The following MYO5B variants were observed in gnomAD, a reference collection of about 807,000 sequenced individuals.
MYO5B encodes the protein unconventional myosin-Vb.
In MYO5B, 143 loss-of-function variants were observed where a neutral mutation model predicts 229.3. The ratio of observed to expected loss-of-function variants is 0.62; its 90% confidence interval spans 0.54 to 0.72. The LOEUF is 0.72. MYO5B is among the 30% of genes least tolerant of loss of function. The pLI, the probability that MYO5B is intolerant of heterozygous loss-of-function variation, is 0.00. For missense variants in MYO5B, 2,321 were observed against 2,331.0 expected, an observed-to-expected ratio of 1.00 and a Z score of 0.09; for synonymous variants, 918 against 885.2, an observed-to-expected ratio of 1.04 and a Z score of -0.66.
At chr18:50,027,804 A>C (rs1170400829) in intron 4 of MYO5B, among the ~76,000 whole-genome samples, 3 of 152,202 alleles carry the variant, frequency 2.0e-5, no homozygotes, top group Admixed American at 6.5e-5. Flanking sequence ...GGGAGACCTG[A>C]TCTATTAGAT....
chr18:50,038,349 G>C (rs932826912), intron 3 of MYO5B, among the ~76,000 whole-genome samples: 1 of 152,136 alleles, frequency 6.6e-6, no homozygotes, highest in Non-Finnish European at 1.5e-5. Flanking sequence ...CTGGGAACGC[G>C]AAGTGTAATA....
chr18:50,056,550 C>T (rs1158137901), intron 1 of MYO5B, among the ~76,000 whole-genome samples: 12 of 152,170 alleles, frequency 7.9e-5, no homozygotes, highest in Admixed American at 7.9e-4. Context: ...AGAATATTAT[C>T]AGGAAACCTG....
At chr18:50,069,666 G>A (rs2666935) in intron 1 of MYO5B, among the ~76,000 whole-genome samples, 148,773 of 152,208 alleles carry the variant, frequency 0.98, 72,804 homozygotes, top group East Asian at 1. Flanking sequence ...GAATTCCATG[G>A]GACAGGAAGC....
chr18:49,895,276 C>T (rs1370976945), intron 21 of MYO5B, 102 bp from the exon 22 acceptor site: 1 of 948,606 alleles, frequency 1.1e-6, no homozygotes, highest in African/African-American at 1.6e-5. Context: ...AAAGGAACTT[C>T]CAAGGTAGGA....
intron 16 of MYO5B, among the ~76,000 whole-genome samples, chr18:49,930,361 C>A (rs558771422): frequency 2.0e-5 from 3 of 152,234 alleles, no homozygotes; most frequent in Admixed American, 6.5e-5. Flanking sequence ...GATATGTGCA[C>A]CATTTTCAAC....
rs540792041 is a variant in MYO5B at position 49,899,984 on chromosome 18, G to T, written c.2811+2610C>A. On this transcript the variant is annotated intron_variant, in intron 21 of 39. Coordinates refer to ENST00000285039, the MANE Select transcript of MYO5B (RefSeq NM_001080467.3). ...TTTTCTTTGATTTTTCAAGCACGTG[G>T]ATTGTAAAATGCTAGATTTATTTTT... 4.5e-4 allele frequency among the ~76,000 whole-genome samples: 68 copies of T among 152,182 alleles called. No homozygotes were observed. The South Asian group carries it at 0.013, about 29-fold the overall frequency.
chr18:50,055,161 T>C (rs967363270), intron 2 of MYO5B, 107 bp downstream of exon 2: 2 of 785,424 alleles, frequency 2.5e-6, no homozygotes, highest in African/African-American at 1.7e-5. Context: ...AGCTCCAATG[T>C]CCAGGGAAAA....
In MYO5B at chr18:50,148,938, C is replaced by T. The variant is rs1204221507; in HGVS notation, c.27+45829G>A. On this transcript the variant is annotated intron_variant, in intron 1 of 39. Transcript: ENST00000285039. ...ATGATTGTATATCTAGAAAACCCCA[C>T]TGTCTCAGCCCAAAATCTCCTTAAG... 6.0e-3 allele frequency among the ~76,000 whole-genome samples: 910 copies of T among 152,190 alleles called. 4 individuals carry two copies. Among genetic ancestry groups the T allele is most frequent in the African/African-American group, 0.018 (740 of 41,494 alleles).
intron 1 of MYO5B, among the ~76,000 whole-genome samples, chr18:50,173,969 G>C (rs2032956918): frequency 6.6e-6 from 1 of 152,156 alleles, no homozygotes. Flanking sequence ...TTCTGGAAGA[G>C]ATTGGCATTG....
intron 1 of MYO5B, among the ~76,000 whole-genome samples, chr18:50,118,969 C>T (rs2032013949): frequency 7.2e-6 from 1 of 139,242 alleles, no homozygotes; most frequent in African/African-American, 2.6e-5. Flanking sequence ...AACTATCAAC[C>T]TTCCTGGGAA....
intron 17 of MYO5B, among the ~76,000 whole-genome samples, chr18:49,915,737 C>A (rs1000705607): frequency 2.6e-5 from 4 of 152,222 alleles, no homozygotes; most frequent in African/African-American, 7.2e-5. Flanking sequence ...CACTCCTAAG[C>A]CCTGACCCAT....
At chr18:49,942,691 C>T (rs1342199318) in intron 14 of MYO5B, among the ~76,000 whole-genome samples, 3 of 151,094 alleles carry the variant, frequency 2.0e-5, no homozygotes, top group African/African-American at 4.9e-5. Flanking sequence ...GTTAGAATGG[C>T]GATCATTAAA....
intron 2 of MYO5B, among the ~76,000 whole-genome samples, chr18:50,041,592 C>T (rs1267886229): frequency 6.6e-6 from 1 of 151,560 alleles, no homozygotes; most frequent in Non-Finnish European, 1.5e-5. Flanking sequence ...ATTAGCTAGC[C>T]ATTTAGGGAA....
At chr18:50,034,993 A>C (rs1249486744) in intron 4 of MYO5B, among the ~76,000 whole-genome samples, 1 of 152,156 alleles carries the variant, frequency 6.6e-6, no homozygotes, top group Non-Finnish European at 1.5e-5. Context: ...ACCCTAGGGC[A>C]AGACAGTATC....
intron 1 of MYO5B, among the ~76,000 whole-genome samples, chr18:50,122,960 A>T (rs2032094699): frequency 6.6e-6 from 1 of 152,210 alleles, no homozygotes; most frequent in African/African-American, 2.4e-5. Flanking sequence ...TAGCAATTCC[A>T]CTGCATGCTA....
chr18:49,953,892 A>ATG lies in MYO5B; in HGVS notation c.1668+420_1668+421insCA, dbSNP rs745554559. Among the ~76,000 whole-genome samples, 804 of 127,646 alleles carry ATG rather than the reference A, an allele frequency of 6.3e-3. 24 individuals carry two copies. Among genetic ancestry groups the ATG allele is most frequent in the African/African-American group, 0.025 (749 of 29,942 alleles). The allele number at this position is 127,646 out of a possible 152,430, so 83.7% of individuals were successfully genotyped here. A position where few individuals can be genotyped will look rare whatever the true frequency, so the allele number is the denominator to read the frequency against. On this transcript the variant is annotated intron_variant, in intron 13 of 39. Coordinates refer to ENST00000285039, the MANE Select transcript of MYO5B (RefSeq NM_001080467.3). ...ACTGCTTTAGAATTTATATATACAT[A>ATG]TATGTGTGTGTGTGTGTGTGTGTGT... is the stretch of plus-strand genomic sequence containing the variant.
At chr18:49,917,291 C>T (rs1200565680) in intron 17 of MYO5B, among the ~76,000 whole-genome samples, 1 of 152,212 alleles carries the variant, frequency 6.6e-6, no homozygotes, top group Non-Finnish European at 1.5e-5. Context: ...TGGGTATTCT[C>T]CTGACCATTC....
chr18:49,917,551 C>T (rs2025030942), intron 17 of MYO5B, among the ~76,000 whole-genome samples: 1 of 152,198 alleles, frequency 6.6e-6, no homozygotes, highest in African/African-American at 2.4e-5. Flanking sequence ...CAGCACGACC[C>T]CCATCCTCAT....
At chr18:49,943,296 A>G (rs1406235477) in intron 14 of MYO5B, among the ~76,000 whole-genome samples, 1 of 151,952 alleles carries the variant, frequency 6.6e-6, no homozygotes, top group Non-Finnish European at 1.5e-5. Flanking sequence ...CAGCACACCA[A>G]CATGACACAT....
Sources: allele counts gnomAD v4.1 joint callset (sites outside exome capture counted in the v4.1 genomes callset), GRCh38; gene constraint gnomAD v4.1.1; transcripts MANE v1.5; gene names NCBI Gene and HGNC (gene_info 2026-07-23, HGNC 2026-07-21).